The following TMEM132D variants were observed in gnomAD, a reference collection of about 807,000 sequenced individuals.
TMEM132D encodes mature OL transmembrane protein.
TMEM132D carries 21 observed loss-of-function variants against 62.3 expected under a neutral mutation model. The ratio of observed to expected loss-of-function variants is 0.34; its 90% CI spans 0.24 to 0.49. The LOEUF (loss-of-function observed/expected upper bound fraction) is 0.49. TMEM132D is among the 20% of genes least tolerant of loss of function. The pLI, the probability that TMEM132D is intolerant of heterozygous loss-of-function variation, is 0.99. For synonymous variants in TMEM132D, 621 were observed against 575.6 expected (o/e 1.08, Z -1.13); for missense variants, 1,346 against 1,402.8 (o/e 0.96, Z 0.65).
intron 1 of TMEM132D, among the ~76,000 whole-genome samples, chr12:129,842,384 T>C (rs1330833897): frequency 7.2e-5 from 11 of 152,134 alleles, no homozygotes. Flanking sequence ...GACTGGGTCG[T>C]TCTGTGAAGA....
chr12:129,662,261 C>T (rs928767258), intron 2 of TMEM132D, among the ~76,000 whole-genome samples: 1 of 152,196 alleles, frequency 6.6e-6, no homozygotes, highest in Non-Finnish European at 1.5e-5. Context: ...TCACATTCAA[C>T]TTGTGTCTGG....
chr12:129,493,667 T>G (rs1227956927), intron 3 of TMEM132D, among the ~76,000 whole-genome samples: 5 of 152,214 alleles, frequency 3.3e-5, no homozygotes, highest in Non-Finnish European at 7.3e-5. Flanking sequence ...CTAGGCTCTA[T>G]TCTAAGCACA....
At chr12:129,474,007 G>C (rs1874184117) in intron 3 of TMEM132D, among the ~76,000 whole-genome samples, 1 of 152,146 alleles carries the variant, frequency 6.6e-6, no homozygotes. Context: ...ACTTTCAACG[G>C]CATGGCTTGG....
intron 2 of TMEM132D, among the ~76,000 whole-genome samples, chr12:129,636,076 G>C (rs1223459084): frequency 6.6e-6 from 1 of 152,210 alleles, no homozygotes; most frequent in Non-Finnish European, 1.5e-5. Flanking sequence ...TATTTGTGGA[G>C]ACCAAGGTTC....
chr12:129,354,200 C>G (rs557266156), intron 3 of TMEM132D, among the ~76,000 whole-genome samples: 75 of 152,140 alleles, frequency 4.9e-4, no homozygotes, highest in Non-Finnish European at 1.0e-3. Context: ...GCAGGCCCTC[C>G]TCAGCAGACC....
intron 3 of TMEM132D, among the ~76,000 whole-genome samples, chr12:129,359,992 A>G (rs1870194434): frequency 6.6e-6 from 1 of 151,454 alleles, no homozygotes; most frequent in Admixed American, 6.6e-5. Flanking sequence ...GCAGTGGGAA[A>G]AAAATGAGAA....
At chr12:129,340,382 T>C (rs1415800163) in intron 3 of TMEM132D, among the ~76,000 whole-genome samples, 2 of 152,194 alleles carry the variant, frequency 1.3e-5, no homozygotes, top group African/African-American at 4.8e-5. Context: ...TATGTATACA[T>C]GTGCCATGTT....
chr12:129,902,598 T>A (rs2137404307), intron 1 of TMEM132D, among the ~76,000 whole-genome samples: 1 of 152,248 alleles, frequency 6.6e-6, no homozygotes, highest in South Asian at 2.1e-4. Context: ...CTGGGAAAAT[T>A]CGGGTCACAA....
At chr12:129,480,076 T>G (rs1435404414) in intron 3 of TMEM132D, among the ~76,000 whole-genome samples, 1 of 150,852 alleles carries the variant, frequency 6.6e-6, no homozygotes, top group Admixed American at 6.6e-5. Flanking sequence ...AAGTTCTCAC[T>G]GTGTCCTAGA....
At chr12:129,735,464 C>T (rs1265696767) in intron 1 of TMEM132D, among the ~76,000 whole-genome samples, 5 of 152,294 alleles carry the variant, frequency 3.3e-5, no homozygotes, top group African/African-American at 7.2e-5. Context: ...ATTTTCAATA[C>T]ACATATATGT....
chr12:129,490,645 G>A (rs1204527685), intron 3 of TMEM132D, among the ~76,000 whole-genome samples: 13 of 119,038 alleles, frequency 1.1e-4, no homozygotes, highest in Non-Finnish European at 1.8e-4. Context: ...AGTAGAGATG[G>A]GGTTTCACCG....
intron 4 of TMEM132D, among the ~76,000 whole-genome samples, chr12:129,297,659 G>A (rs771540743): frequency 3.9e-5 from 6 of 152,114 alleles, no homozygotes; most frequent in East Asian, 1.9e-4. Flanking sequence ...ACTTATCTGC[G>A]GCCAGGGCAC....
intron 2 of TMEM132D, among the ~76,000 whole-genome samples, chr12:129,593,372 C>T (rs1878247251): frequency 6.6e-6 from 1 of 152,102 alleles, no homozygotes; most frequent in African/African-American, 2.4e-5. Context: ...TTTTATTGTA[C>T]TATACAAATT....
At chr12:129,799,847 C>T (rs1429527946) in intron 1 of TMEM132D, among the ~76,000 whole-genome samples, 5 of 152,118 alleles carry the variant, frequency 3.3e-5, no homozygotes, top group African/African-American at 9.7e-5. Context: ...CTGAAGATCT[C>T]GCGTGTTAGA....
rs959805161 is a variant in TMEM132D, at chr12:129,867,066, G to A, written c.79+36195C>T. Among the ~76,000 whole-genome samples the A allele has an allele frequency of 2.0e-5, 3 of 147,230 alleles. No individual in the cohort carries two copies. Among genetic ancestry groups the A allele is most frequent in the African/African-American group, 5.0e-5 (2 of 40,186 alleles). ...AGTTGGAGACCAGACTGGGCAACAC[G>A]GAAAAACCCCAAAACCCTGTCTCTA... On this transcript the variant is annotated intron_variant, in intron 1 of 8. Transcript: ENST00000422113. This position sits in a 1 kb window ranked among gnomAD's most constrained non-coding sequence, Gnocchi z 4.5.
intron 2 of TMEM132D, among the ~76,000 whole-genome samples, chr12:129,672,266 A>G (rs1246066017): frequency 6.6e-6 from 1 of 152,202 alleles, no homozygotes; most frequent in Non-Finnish European, 1.5e-5. Flanking sequence ...GGCAAAAGCA[A>G]TGCCCACTTC....
chr12:129,748,328 G>A (rs1349615038), intron 1 of TMEM132D, among the ~76,000 whole-genome samples: 1 of 152,120 alleles, frequency 6.6e-6, no homozygotes, highest in African/African-American at 2.4e-5. Context: ...GGCTTTGATC[G>A]ACTGTCCTAG....
At chr12:129,475,609 C>A (rs1207879392) in intron 3 of TMEM132D, among the ~76,000 whole-genome samples, 2 of 152,174 alleles carry the variant, frequency 1.3e-5, no homozygotes, top group African/African-American at 4.8e-5. Context: ...TTTGTCTCTA[C>A]AATGAAATCT....
intron 3 of TMEM132D, among the ~76,000 whole-genome samples, chr12:129,462,741 ATAAT>A (rs1873721393): frequency 6.6e-6 from 1 of 152,216 alleles, no homozygotes; most frequent in Non-Finnish European, 1.5e-5. Context: ...ATGGTAGTAA[ATAAT>A]TATTTTGTCT....
Sources: allele counts gnomAD v4.1 joint callset (sites outside exome capture counted in the v4.1 genomes callset), GRCh38; gene constraint gnomAD v4.1.1; non-coding constraint Gnocchi (gnomAD v3.1); transcripts MANE v1.5; gene names NCBI Gene and HGNC (gene_info 2026-07-23, HGNC 2026-07-21).